Variants in USH2A observed in about 807,000 individuals in gnomAD.
USH2A encodes the protein usherin.
Under a neutral mutation model 538.9 loss-of-function variants are expected in USH2A, and 443 were observed. The observed-to-expected ratio is 0.82, with a 90% CI of 0.76 to 0.89. The LOEUF (loss-of-function observed/expected upper bound fraction) is 0.89. Among genes scored for constraint, USH2A ranks in the 40% least tolerant of loss-of-function variants. USH2A has a pLI of 0.00. For synonymous variants in USH2A, 2,413 were observed against 2,273.5 expected, an observed-to-expected ratio of 1.06 and a Z score of -1.75; for missense variants, 6,633 against 6,324.8, an observed-to-expected ratio of 1.05 and a Z score of -1.65.
intron 29 of USH2A, among the ~76,000 whole-genome samples, chr1:216,070,712 C>CA (rs150759077): frequency 0.078 from 11,557 of 147,994 alleles, 481 homozygotes; most frequent in African/African-American, 0.1. Context: ...ATGTATTAGC[C>CA]AAAAAAAAAA....
Position 216,199,966 on chromosome 1 carries a change from T to C in USH2A, c.3472A>G (p.Ile1158Val). ...PEGNLTLSYIIPIGSDSVTLT... is the reference protein window; with the variant it reads ...PEGNLTLSYIVPIGSDSVTLT... ...GTCACAGAGTCTGAGCCAATAGGAA[T>C]GATATAACTTAAAGTCAAGTTTCCC... is the stretch of plus-strand genomic sequence containing the variant. The change falls in exon 17 of 72, where the codon ATT becomes GTT. Residue 1158 changes from isoleucine to valine, a missense_variant. Physicochemically the swap from Ile to Val is conservative, Grantham distance 29. Coordinates refer to ENST00000307340, the MANE Select transcript of USH2A (RefSeq NM_206933.4). 1 of 1,614,106 alleles carries C rather than the reference T, an allele frequency of 6.2e-7. No individual in the cohort carries two copies. The highest frequency in any genetic ancestry group is 8.5e-7 in the Non-Finnish European group (1 of 1,179,988).
At chr1:216,006,861 C>T (rs746553769) in intron 32 of USH2A, among the ~76,000 whole-genome samples, 4 of 152,092 alleles carry the variant, frequency 2.6e-5, no homozygotes, top group East Asian at 1.9e-4. Flanking sequence ...TCCCTGCTAC[C>T]GACCCTATAT....
intron 61 of USH2A, among the ~76,000 whole-genome samples, chr1:215,708,683 C>T (rs2797220): frequency 6.6e-6 from 1 of 152,034 alleles, no homozygotes; most frequent in Admixed American, 6.5e-5. Context: ...GCAATTGCCA[C>T]AGCTGATCTG....
chr1:216,356,575 G>T (rs143452513), intron 4 of USH2A, among the ~76,000 whole-genome samples: 1 of 151,786 alleles, frequency 6.6e-6, no homozygotes, highest in Admixed American at 6.6e-5. Flanking sequence ...ATAGAATTTT[G>T]TACTATACAA....
chr1:215,899,512 T>G (rs1571793971), intron 40 of USH2A, among the ~76,000 whole-genome samples: 1 of 152,318 alleles, frequency 6.6e-6, no homozygotes, highest in Non-Finnish European at 1.5e-5. Flanking sequence ...CAAAAATAAC[T>G]TTTTAGTGAA....
At chr1:215,683,735 C>G (rs2102675029) in intron 61 of USH2A, among the ~76,000 whole-genome samples, 1 of 151,864 alleles carries the variant, frequency 6.6e-6, no homozygotes, top group African/African-American at 2.4e-5. Context: ...CTTATTCACC[C>G]TTTCCTTCTT....
In USH2A at chr1:216,422,641, A is replaced by G. The variant is rs1477269168; in HGVS notation, c.-204-101T>C. ...ACTTTGAGCTCCTAGAAGCAACACT[A>G]CTGAACTTCTCAAAAAACATTTTGA... On this transcript the variant is annotated intron_variant, in intron 1 of 71. Coordinates refer to ENST00000307340, the MANE Select transcript of USH2A (RefSeq NM_206933.4). 1.4e-5 allele frequency: 5 copies of G among 348,038 alleles called. No individual in the cohort carries two copies. The Admixed American group carries it at 2.1e-4, about 15-fold the overall frequency. 21.6% of individuals were successfully genotyped at this position (348,038 alleles called of 1,614,324 possible).
intron 22 of USH2A, among the ~76,000 whole-genome samples, chr1:216,091,293 A>C (rs1008637947): frequency 1.7e-4 from 26 of 152,340 alleles, no homozygotes; most frequent in African/African-American, 6.3e-4. Context: ...TAAGCCCAGA[A>C]TATGATGTGA....
intron 55 of USH2A, among the ~76,000 whole-genome samples, chr1:215,774,872 CA>C (rs1219164662): frequency 6.7e-6 from 1 of 149,854 alleles, no homozygotes; most frequent in East Asian, 1.9e-4. Context: ...GGTTTTAAAA[CA>C]CAAAAAAGTG....
intron 3 of USH2A, among the ~76,000 whole-genome samples, chr1:216,392,491 C>CAAAAAAAAAAAAA (rs55951311): frequency 2.0e-5 from 1 of 49,484 alleles, no homozygotes; most frequent in Non-Finnish European, 3.8e-5. Flanking sequence ...GACTCCGTCT[C>CAAAAAAAAAAAAA]AAAAAAAAAA....
At chr1:216,306,665 G>C (rs1237211265) in intron 9 of USH2A, among the ~76,000 whole-genome samples, 1 of 152,230 alleles carries the variant, frequency 6.6e-6, no homozygotes, top group Non-Finnish European at 1.5e-5. Flanking sequence ...TGGGGCTCAA[G>C]TGCTGTTGTT....
chr1:216,142,352 AATAG>A (rs1248482646), intron 21 of USH2A, among the ~76,000 whole-genome samples: 2 of 152,334 alleles, frequency 1.3e-5, no homozygotes, highest in Admixed American at 1.3e-4. Context: ...AGAGATAAAT[AATAG>A]ATATAGGTAA....
At chr1:215,941,480 T>C (rs1191038898) in intron 37 of USH2A, among the ~76,000 whole-genome samples, 1 of 152,114 alleles carries the variant, frequency 6.6e-6, no homozygotes, top group Non-Finnish European at 1.5e-5. Context: ...CAAACTTTTT[T>C]CCAGCTGAAC....
intron 29 of USH2A, among the ~76,000 whole-genome samples, chr1:216,070,902 A>G (rs1442889837): frequency 2.0e-5 from 3 of 152,096 alleles, no homozygotes; most frequent in Non-Finnish European, 2.9e-5. Flanking sequence ...GATTCTACAA[A>G]GTCATTTTCA....
At chr1:215,908,295 A>C (rs1418085612) in intron 38 of USH2A, among the ~76,000 whole-genome samples, 1 of 151,976 alleles carries the variant, frequency 6.6e-6, no homozygotes, top group African/African-American at 2.4e-5. Context: ...GGTAATGATA[A>C]CATAAACCAT....
intron 20 of USH2A, among the ~76,000 whole-genome samples, chr1:216,189,880 C>T (rs2034680749): frequency 6.6e-6 from 1 of 151,854 alleles, no homozygotes. Context: ...GTAGTTAAGC[C>T]CTGGAGTCAC....
rs550520630 is a variant in USH2A, at chr1:216,095,059, T to G, written c.4758+2024A>C. 4.6e-5 allele frequency among the ~76,000 whole-genome samples: 7 copies of G among 152,260 alleles called. No homozygotes were observed. In the East Asian group the frequency reaches 1.4e-3, roughly 29 times the overall value. On this transcript the variant is annotated intron_variant, in intron 22 of 71. Transcript: ENST00000307340. Reference sequence around the variant, plus strand: ...GAATAATGCCTGGCACAAAGAGGTCTCATAGAAGTATTAGTTTTGCTTAAT... The same window carrying G: ...GAATAATGCCTGGCACAAAGAGGTCGCATAGAAGTATTAGTTTTGCTTAAT...
chr1:215,678,545 G>T (rs1658111750), intron 62 of USH2A, among the ~76,000 whole-genome samples: 1 of 152,204 alleles, frequency 6.6e-6, no homozygotes, highest in Non-Finnish European at 1.5e-5. Flanking sequence ...TGATTCAAAT[G>T]ATATTCCATT....
intron 32 of USH2A, among the ~76,000 whole-genome samples, chr1:216,026,322 T>G (rs1355089827): frequency 6.6e-6 from 1 of 152,214 alleles, no homozygotes; most frequent in Non-Finnish European, 1.5e-5. Context: ...GATCAATTTT[T>G]TTACTTTAAT....
Sources: allele counts gnomAD v4.1 joint callset (sites outside exome capture counted in the v4.1 genomes callset), GRCh38; gene constraint gnomAD v4.1.1; transcripts MANE v1.5; gene names NCBI Gene and HGNC (gene_info 2026-07-23, HGNC 2026-07-21).